SLC24A2: variants seen among roughly 807,000 people sequenced by gnomAD.
The protein encoded by SLC24A2 is solute carrier family 24 member 2, also known as sodium/potassium/calcium exchanger 2.
In SLC24A2, 36 loss-of-function variants were observed where a neutral mutation model predicts 62.0. The ratio of observed to expected loss-of-function variants is 0.58; its 90% CI spans 0.44 to 0.77. The LOEUF (loss-of-function observed/expected upper bound fraction) is 0.77, where lower values mean the gene tolerates loss of function less well. SLC24A2 is among the 30% of genes least tolerant of loss of function. The pLI is 0.00. For synonymous variants in SLC24A2, 358 were observed against 294.0 expected (o/e 1.22, Z -2.23); for missense variants, 846 against 817.9 (o/e 1.03, Z -0.42).
chr9:20,238,787 T>C, the SLC24A2 span, among the ~76,000 whole-genome samples: 1 of 152,208 alleles, frequency 6.6e-6, no homozygotes, highest in East Asian at 1.9e-4. Flanking sequence ...AGCATGACTA[T>C]ATTTGGAGAT....
chr9:19,665,819 C>T (rs1361767797), intron 2 of SLC24A2, among the ~76,000 whole-genome samples: 1 of 151,972 alleles, frequency 6.6e-6, no homozygotes, highest in Non-Finnish European at 1.5e-5. Context: ...ATAGTGCATT[C>T]ACATATATAT....
intron 2 of SLC24A2, among the ~76,000 whole-genome samples, chr9:19,649,020 CAAAA>C (rs1184902716): frequency 3.8e-5 from 4 of 104,784 alleles, no homozygotes; most frequent in Non-Finnish European, 1.9e-5. Context: ...AAAAAAAAAA[CAAAA>C]AACCCAGTAA....
the SLC24A2 span, among the ~76,000 whole-genome samples, chr9:19,832,614 G>C: frequency 2.6e-5 from 4 of 152,126 alleles, no homozygotes; most frequent in East Asian, 7.7e-4. Context: ...AGACTTAAAT[G>C]TTACACCTAA....
chr9:19,869,277 A>T, the SLC24A2 span, among the ~76,000 whole-genome samples: 1 of 152,174 alleles, frequency 6.6e-6, no homozygotes, highest in Non-Finnish European at 1.5e-5. Context: ...TACTGCACCC[A>T]GTCTATTTAT....
At chr9:19,731,392 T>G (rs1373352876) in intron 2 of SLC24A2, among the ~76,000 whole-genome samples, 1 of 152,146 alleles carries the variant, frequency 6.6e-6, no homozygotes, top group East Asian at 1.9e-4. Flanking sequence ...GTAACTGTAT[T>G]TGAAGATAGT....
At chr9:20,017,766 G>T in the SLC24A2 span, among the ~76,000 whole-genome samples, 1 of 152,180 alleles carries the variant, frequency 6.6e-6, no homozygotes, top group Non-Finnish European at 1.5e-5. Context: ...ATGGGAGAAA[G>T]ATGGAGGCCA....
At chr9:20,215,409 G>A in the SLC24A2 span, among the ~76,000 whole-genome samples, 68,328 of 151,854 alleles carry the variant, frequency 0.45, 17,355 homozygotes, top group Non-Finnish European at 0.59. Flanking sequence ...TTCTTTCAAT[G>A]GGTAGAATGA....
intron 10 of SLC24A2, among the ~76,000 whole-genome samples, chr9:19,520,590 G>A (rs1465207460): frequency 1.3e-5 from 2 of 151,946 alleles, no homozygotes; most frequent in Non-Finnish European, 2.9e-5. Context: ...AAGCTATCAC[G>A]GTATCTCAGT....
At chr9:20,116,566 C>CAT in the SLC24A2 span, among the ~76,000 whole-genome samples, 1 of 152,138 alleles carries the variant, frequency 6.6e-6, no homozygotes, top group African/African-American at 2.4e-5. Context: ...CAGCACCTAC[C>CAT]ATACTGTGCC....
chr9:20,197,427 C>CTTTTTTTT, the SLC24A2 span, among the ~76,000 whole-genome samples: 6 of 93,160 alleles, frequency 6.4e-5, no homozygotes, highest in African/African-American at 1.4e-4. Context: ...CTCTCTCTCT[C>CTTTTTTTT]TTTTTTTTTT....
rs998833515 is a variant in SLC24A2, at chr9:19,788,908, A to C, written c.-177T>G. On this transcript the variant is annotated 5_prime_UTR_variant, in exon 1 of 11. Coordinates refer to ENST00000341998, the MANE Select transcript of SLC24A2 (RefSeq NM_020344.4). Reference sequence around the variant, plus strand: ...ACCAGGATAAGATGGGAGGACGCGCACACGGCGGGGCCCCCGAGCGCGGCC... The same window carrying C: ...ACCAGGATAAGATGGGAGGACGCGCCCACGGCGGGGCCCCCGAGCGCGGCC... 1.0e-6 allele frequency: 1 copy of C among 985,228 alleles called. No homozygotes were observed. The highest frequency in any genetic ancestry group is 1.1e-4 in the East Asian group (1 of 8,804). 61.0% of individuals were successfully genotyped at this position (985,228 alleles called of 1,614,324 possible).
chr9:20,208,126 G>C, the SLC24A2 span, among the ~76,000 whole-genome samples: 5 of 152,182 alleles, frequency 3.3e-5, no homozygotes, highest in African/African-American at 1.2e-4. Context: ...TCATTATCAG[G>C]GAAGGAAAAG....
At chr9:20,230,664 T>A in the SLC24A2 span, among the ~76,000 whole-genome samples, 3 of 152,222 alleles carry the variant, frequency 2.0e-5, no homozygotes, top group Non-Finnish European at 4.4e-5. Context: ...TTGCAAAAAT[T>A]TTCTCTCATT....
At chr9:19,988,617 A>G in the SLC24A2 span, among the ~76,000 whole-genome samples, 1 of 152,210 alleles carries the variant, frequency 6.6e-6, no homozygotes, top group Non-Finnish European at 1.5e-5. Context: ...CTTGAATAGG[A>G]AGAGAGACAA....
the SLC24A2 span, among the ~76,000 whole-genome samples, chr9:19,906,967 C>T: frequency 6.6e-6 from 1 of 152,174 alleles, no homozygotes; most frequent in Non-Finnish European, 1.5e-5. Flanking sequence ...TCCTCCCTAA[C>T]TCATTTTATG....
chr9:20,135,335 T>C, the SLC24A2 span, among the ~76,000 whole-genome samples: 8 of 148,562 alleles, frequency 5.4e-5, no homozygotes, highest in Admixed American at 3.4e-4. Context: ...AATTTAAAAT[T>C]TTAATTTTTA....
rs1837163442 is a variant in SLC24A2, at chr9:19,611,420, A to AGAAGAGG, written c.1078+8157_1078+8163dup. Among the ~76,000 whole-genome samples the AGAAGAGG allele has an allele frequency of 7.3e-5, 11 of 150,554 alleles. No individual in the cohort carries two copies. In the South Asian group the frequency reaches 2.3e-3, roughly 32 times the overall value. ...GGGGAAGGAGGGGAAACGAGGGCAG[A>AGAAGAGG]GAAGAGGGAAGGAGGGGTGAGAGAA... On this transcript the variant is annotated intron_variant, in intron 4 of 10. Coordinates refer to ENST00000341998, the MANE Select transcript of SLC24A2 (RefSeq NM_020344.4).
chr9:19,966,878 A>G, the SLC24A2 span, among the ~76,000 whole-genome samples: 7 of 152,332 alleles, frequency 4.6e-5, no homozygotes, highest in East Asian at 1.3e-3. Context: ...AAAGCTGAAC[A>G]GAGATGACTA....
the SLC24A2 span, among the ~76,000 whole-genome samples, chr9:20,249,396 A>T: frequency 1.3e-5 from 2 of 152,136 alleles, no homozygotes; most frequent in Admixed American, 6.5e-5. Flanking sequence ...TGGGTTTGTC[A>T]TAAGGATTAA....
Sources: allele counts gnomAD v4.1 joint callset (sites outside exome capture counted in the v4.1 genomes callset), GRCh38; gene constraint gnomAD v4.1.1; transcripts MANE v1.5; gene names NCBI Gene and HGNC (gene_info 2026-07-23, HGNC 2026-07-21).